GRIK3: variants seen among roughly 807,000 people sequenced by gnomAD.
GRIK3 encodes glutamate receptor ionotropic, kainate 3.
GRIK3 carries 29 observed loss-of-function variants against 102.5 expected under a neutral mutation model. The ratio of observed to expected loss-of-function variants is 0.28; its 90% CI spans 0.21 to 0.39. The LOEUF (loss-of-function observed/expected upper bound fraction) is 0.39. GRIK3 is among the 10% of genes least tolerant of loss of function. The pLI, the probability that GRIK3 is intolerant of heterozygous loss-of-function variation, is 1.00. For missense variants in GRIK3, 908 were observed against 1,252.4 expected, an observed-to-expected ratio of 0.73 and a Z score of 4.15; for synonymous variants, 511 against 504.9, an observed-to-expected ratio of 1.01 and a Z score of -0.16.
chr1:36,879,816 C>T (rs1027092784), intron 3 of GRIK3, among the ~76,000 whole-genome samples: 1 of 152,188 alleles, frequency 6.6e-6, no homozygotes, highest in African/African-American at 2.4e-5. Flanking sequence ...CAGCTCATAG[C>T]CACGGGCCCC....
At chr1:36,992,072 G>A (rs2124005361) in intron 1 of GRIK3, among the ~76,000 whole-genome samples, 1 of 152,332 alleles carries the variant, frequency 6.6e-6, no homozygotes, top group African/African-American at 2.4e-5. Context: ...CAGTGGAGCT[G>A]ACACTCTTCC....
chr1:36,824,463 G>C lies in GRIK3; in HGVS notation c.1754+1140C>G, dbSNP rs150340621. Among the ~76,000 whole-genome samples the C allele has an allele frequency of 4.5e-3, 683 of 152,308 alleles. 7 individuals carry two copies. Among genetic ancestry groups the C allele is most frequent in the Non-Finnish European group, 4.5e-3 (305 of 68,016 alleles). Reference sequence around the variant, plus strand: ...TCAGGCCTCTGGCAGCACAGGGCCTGGGGAGCAGGGACATTTCATCACTCA... The same window carrying C: ...TCAGGCCTCTGGCAGCACAGGGCCTCGGGAGCAGGGACATTTCATCACTCA... On this transcript the variant is annotated intron_variant, in intron 11 of 15. Transcript: ENST00000373091.
chr1:36,860,066 A>T (rs772626649), intron 5 of GRIK3, 49 bp from the exon 6 acceptor site: 4 of 1,423,890 alleles, frequency 2.8e-6, no homozygotes, highest in East Asian at 2.4e-5. Context: ...ACTGCTGAGA[A>T]CTCCAGCCCC....
intron 2 of GRIK3, among the ~76,000 whole-genome samples, chr1:36,885,662 C>A (rs967180361): frequency 6.6e-6 from 1 of 152,150 alleles, no homozygotes; most frequent in Non-Finnish European, 1.5e-5. Context: ...TTCCTTCCAC[C>A]CTCTGAGGAC....
intron 5 of GRIK3, among the ~76,000 whole-genome samples, 196 bp downstream of exon 5, chr1:36,869,552 T>G (rs1640820716): frequency 6.6e-6 from 1 of 152,206 alleles, no homozygotes; most frequent in African/African-American, 2.4e-5. Context: ...GTTCACATCC[T>G]TAATTATAAC....
intron 11 of GRIK3, among the ~76,000 whole-genome samples, chr1:36,824,070 G>T (rs893025129): frequency 6.6e-5 from 10 of 152,094 alleles, no homozygotes; most frequent in African/African-American, 1.9e-4. Flanking sequence ...CTTCTCAGGG[G>T]TCTCCTATCA....
chr1:36,927,266 G>A (rs1466426423), intron 1 of GRIK3, among the ~76,000 whole-genome samples: 4 of 152,218 alleles, frequency 2.6e-5, no homozygotes, highest in Admixed American at 2.6e-4. Context: ...CATTTTTGAT[G>A]CAACCTAATT....
At chr1:36,971,467 G>A (rs1642140866) in intron 1 of GRIK3, among the ~76,000 whole-genome samples, 1 of 152,178 alleles carries the variant, frequency 6.6e-6, no homozygotes, top group African/African-American at 2.4e-5. Flanking sequence ...AATTCTGAGG[G>A]CCTGCTAATT....
intron 1 of GRIK3, among the ~76,000 whole-genome samples, chr1:36,964,762 A>G (rs6687320): frequency 0.1 from 15,938 of 152,174 alleles, 985 homozygotes; most frequent in African/African-American, 0.18. Flanking sequence ...TATGACCAGC[A>G]CAGCCATCAC....
intron 1 of GRIK3, among the ~76,000 whole-genome samples, chr1:36,967,961 G>A (rs977716679): frequency 9.2e-5 from 14 of 152,288 alleles, no homozygotes; most frequent in African/African-American, 2.9e-4. Flanking sequence ...CCGGGTACCT[G>A]GGAACAGAGG....
At chr1:36,992,027 G>A (rs571091443) in intron 1 of GRIK3, among the ~76,000 whole-genome samples, 1 of 152,316 alleles carries the variant, frequency 6.6e-6, no homozygotes, top group East Asian at 1.9e-4. Flanking sequence ...GGACCTGGGG[G>A]GTGGTTCCCA....
At chr1:37,006,023 G>GCCCGGA (rs1179253224) in intron 1 of GRIK3, among the ~76,000 whole-genome samples, 1 of 152,118 alleles carries the variant, frequency 6.6e-6, no homozygotes, top group Non-Finnish European at 1.5e-5. Context: ...AGGGGATAAG[G>GCCCGGA]CCCGGAGTTA....
rs566725889 is a variant in GRIK3 at position 36,936,953 on chromosome 1, C to T, written c.116-45857G>A. Among the ~76,000 whole-genome samples the T allele has an allele frequency of 1.1e-3, 172 of 152,154 alleles. 1 individual carries two copies. The highest frequency in any genetic ancestry group is 6.7e-3 in the South Asian group (32 of 4,812). ...TGGGAGCTGGATACAACAACAGGTG[C>T]GGGGGGTAGGATCCCCGCCACCCAC... On this transcript the variant is annotated intron_variant, in intron 1 of 15. Coordinates refer to ENST00000373091, the MANE Select transcript of GRIK3 (RefSeq NM_000831.4).
intron 1 of GRIK3, among the ~76,000 whole-genome samples, chr1:36,935,048 T>C (rs1394490166): frequency 6.6e-6 from 1 of 152,228 alleles, no homozygotes; most frequent in African/African-American, 2.4e-5. Flanking sequence ...AATCAAAGGA[T>C]GTAAAAGGAG....
chr1:36,826,207 T>C (rs1570746151), intron 10 of GRIK3, among the ~76,000 whole-genome samples: 1 of 152,240 alleles, frequency 6.6e-6, no homozygotes, highest in East Asian at 1.9e-4. Flanking sequence ...TTTTTATTTG[T>C]GTCTTTCAAA....
At chr1:36,843,001 C>T (rs997690654) in intron 9 of GRIK3, among the ~76,000 whole-genome samples, 6 of 152,142 alleles carry the variant, frequency 3.9e-5, no homozygotes, top group South Asian at 2.1e-4. Context: ...CCACCCCCTC[C>T]ACCTGCCACA....
rs559656594 is a variant in GRIK3, at chr1:36,996,569, G to A, written c.115+37425C>T. ...GAGACTTGACTCCATGTCATCCTAA[G>A]CTGAGAAGGAGGTGGGAGAAGAGGT... On this transcript the variant is annotated intron_variant, in intron 1 of 15. Transcript: ENST00000373091. Among the ~76,000 whole-genome samples the A allele has an allele frequency of 5.9e-5, 9 of 152,328 alleles. No homozygotes were observed. The South Asian group carries it at 1.7e-3, about 28-fold the overall frequency.
chr1:36,884,819 C>A (rs547193629), intron 2 of GRIK3, among the ~76,000 whole-genome samples: 39 of 152,330 alleles, frequency 2.6e-4, no homozygotes, highest in African/African-American at 8.9e-4. Context: ...AGATTTCCTT[C>A]ATTGATTGAT....
chr1:36,972,814 G>T (rs934710939), intron 1 of GRIK3, among the ~76,000 whole-genome samples: 1 of 152,152 alleles, frequency 6.6e-6, no homozygotes, highest in Non-Finnish European at 1.5e-5. Flanking sequence ...AGCAGAAGTC[G>T]GCCCAGTTCC....
Sources: gnomAD v4.1 joint callset for allele counts (sites outside exome capture counted in the v4.1 genomes callset) on GRCh38, gnomAD v4.1.1 for gene constraint, MANE v1.5 for transcripts, NCBI Gene and HGNC (gene_info 2026-07-23, HGNC 2026-07-21) for gene names.